The following DLGAP2 variants were observed in gnomAD, a reference collection of about 807,000 sequenced individuals.
DLGAP2 encodes the protein disks large-associated protein 2.
DLGAP2 carries 26 observed loss-of-function variants against 100.3 expected under a neutral mutation model. That is an observed-to-expected ratio of 0.26 (90% CI 0.19 to 0.36). The LOEUF (loss-of-function observed/expected upper bound fraction) is 0.36, where lower values mean the gene tolerates loss of function less well. Ranked by LOEUF, DLGAP2 falls within the 10% of genes least tolerant of loss-of-function variation. The probability of loss-of-function intolerance (pLI) is 1.00; values close to 1 mark genes in which losing one functional copy is unlikely to be tolerated. For synonymous variants in DLGAP2, 886 were observed against 630.1 expected, an observed-to-expected ratio of 1.41 and a Z score of -6.08; for missense variants, 1,858 against 1,453.2, an observed-to-expected ratio of 1.28 and a Z score of -4.53.
intron 6 of DLGAP2, among the ~76,000 whole-genome samples, chr8:1,626,090 G>T (rs550450209): frequency 7.1e-6 from 1 of 141,684 alleles, no homozygotes; most frequent in South Asian, 2.2e-4. Flanking sequence ...CGGGTGCTCA[G>T]CCTCTGGGTG....
At position 1,292,087 on chromosome 8, in the gene DLGAP2, A is replaced by C. The variant is rs535349808; in HGVS notation, c.106+33204A>C. 3.9e-5 allele frequency among the ~76,000 whole-genome samples: 6 copies of C among 152,354 alleles called. No homozygotes were observed. In the South Asian group the frequency reaches 1.2e-3, roughly 32 times the overall value. On this transcript the variant is annotated intron_variant, in intron 3 of 14. Transcript: ENST00000637795. ...AATGTTCCAACTCTGAAGACAGATG[A>C]ATTGTGGTGTGTCAGCTAAGCCTGT...
chr8:800,602 ATG>A (rs546628399), intron 1 of DLGAP2, among the ~76,000 whole-genome samples: 3 of 152,194 alleles, frequency 2.0e-5, no homozygotes, highest in Admixed American at 6.5e-5. Context: ...GTGCACCTGC[ATG>A]TGTGTGTGTA....
chr8:1,036,782 G>A (rs112122542), intron 2 of DLGAP2, among the ~76,000 whole-genome samples: 1,966 of 152,276 alleles, frequency 0.013, 42 homozygotes, highest in African/African-American at 0.041. Context: ...GGGAATTGCC[G>A]TCACTAAGAA....
intron 2 of DLGAP2, among the ~76,000 whole-genome samples, chr8:931,677 C>G (rs1008704710): frequency 6.6e-6 from 1 of 152,172 alleles, no homozygotes; most frequent in African/African-American, 2.4e-5. Context: ...AAGCCCTTCC[C>G]GTCGTCCTGG....
chr8:884,300 CTCT>C (rs1797878703), intron 1 of DLGAP2, among the ~76,000 whole-genome samples: 1 of 152,148 alleles, frequency 6.6e-6, no homozygotes, highest in African/African-American at 2.4e-5. Context: ...TCAGCAGTAT[CTCT>C]TGTTTCTTGA....
intron 3 of DLGAP2, among the ~76,000 whole-genome samples, chr8:1,363,893 C>A (rs190763497): frequency 6.6e-6 from 1 of 152,142 alleles, no homozygotes; most frequent in African/African-American, 2.4e-5. Flanking sequence ...ACCTGCTCCC[C>A]GTGAGGTTGT....
At position 1,347,052 on chromosome 8, in the gene DLGAP2, C is replaced by T. The variant is rs191734437; in HGVS notation, c.106+88169C>T. Among the ~76,000 whole-genome samples, 258 of 141,884 alleles carry T rather than the reference C, an allele frequency of 1.8e-3. 2 individuals are homozygous for T. Among genetic ancestry groups the T allele is most frequent in the African/African-American group, 6.3e-3 (237 of 37,520 alleles). The allele number at this position is 141,884 out of a possible 152,430, so 93.1% of individuals were successfully genotyped here. On this transcript the variant is annotated intron_variant, in intron 3 of 14. Transcript: ENST00000637795. ...CTGCACTGCTCTCATGGTAACTGTG[C>T]GGAGGATGAGTTCCACACAGAGCTG...
At chr8:940,698 A>T (rs921023067) in intron 2 of DLGAP2, among the ~76,000 whole-genome samples, 1 of 152,180 alleles carries the variant, frequency 6.6e-6, no homozygotes, top group Admixed American at 6.5e-5. Context: ...CTCTTCTCCC[A>T]TGTCTCCAGA....
chr8:1,130,677 TAGCAACC>T (rs1796273380), intron 2 of DLGAP2, among the ~76,000 whole-genome samples: 1 of 152,186 alleles, frequency 6.6e-6, no homozygotes, highest in Non-Finnish European at 1.5e-5. Flanking sequence ...TTCGTAACCA[TAGCAACC>T]AGCAACCAGC....
intron 2 of DLGAP2, among the ~76,000 whole-genome samples, chr8:1,016,269 T>C (rs1203935940): frequency 3.3e-3 from 2 of 612 alleles, no homozygotes; most frequent in East Asian, 4.1e-3. Flanking sequence ...GCCTCCACTG[T>C]GTGTGTGACC....
intron 2 of DLGAP2, among the ~76,000 whole-genome samples, chr8:1,198,234 T>C (rs149736527): frequency 1.5e-3 from 224 of 152,238 alleles, no homozygotes; most frequent in Non-Finnish European, 2.7e-3. Flanking sequence ...CTCACCCCCA[T>C]TAACAAGCTG....
At chr8:1,306,005 C>T (rs1358666915) in intron 3 of DLGAP2, among the ~76,000 whole-genome samples, 1 of 147,184 alleles carries the variant, frequency 6.8e-6, no homozygotes, top group Admixed American at 7.1e-5. Flanking sequence ...TTGCTGAATT[C>T]CTTTTTCAGA....
chr8:1,685,960 G>A (rs1799103501), intron 12 of DLGAP2, among the ~76,000 whole-genome samples: 1 of 152,184 alleles, frequency 6.6e-6, no homozygotes. Context: ...TAAGGGGAAA[G>A]CTTGCACACT....
intron 3 of DLGAP2, among the ~76,000 whole-genome samples, chr8:1,318,763 C>A (rs10094861): frequency 0.25 from 36,544 of 145,896 alleles, 4,995 homozygotes; most frequent in South Asian, 0.33. Context: ...GTAACTAATC[C>A]ATTGTCAGTG....
intron 2 of DLGAP2, among the ~76,000 whole-genome samples, chr8:1,121,007 A>C (rs555769256): frequency 1.4e-5 from 2 of 140,704 alleles, no homozygotes; most frequent in African/African-American, 5.4e-5. Context: ...TCCCATCCTT[A>C]TCCCTTTAGA....
At chr8:869,150 A>G (rs915807299) in intron 1 of DLGAP2, among the ~76,000 whole-genome samples, 3 of 151,880 alleles carry the variant, frequency 2.0e-5, no homozygotes, top group African/African-American at 7.3e-5. Flanking sequence ...CTTTATTTAC[A>G]TATACAGCTT....
At chr8:763,764 G>C (rs1005461691) in intron 1 of DLGAP2, among the ~76,000 whole-genome samples, 2 of 152,160 alleles carry the variant, frequency 1.3e-5, no homozygotes, top group African/African-American at 4.8e-5. Context: ...CACATGAGGT[G>C]TGGAAAACCC....
intron 6 of DLGAP2, among the ~76,000 whole-genome samples, chr8:1,594,329 G>A (rs1796382658): frequency 6.6e-6 from 1 of 152,106 alleles, no homozygotes. Context: ...ATATGAAGAT[G>A]CCCCCTAAGG....
chr8:976,899 A>T lies in DLGAP2; in HGVS notation c.73+68933A>T, dbSNP rs183820550. On this transcript the variant is annotated intron_variant, in intron 2 of 14. Coordinates refer to ENST00000637795, the MANE Select transcript of DLGAP2 (RefSeq NM_001346810.2). ...TTAGTGATGACATTTTAGATATAGTACCAAAAGCACTGTTCATGAAAGAAA... is the reference window on the plus strand; with the variant it reads ...TTAGTGATGACATTTTAGATATAGTTCCAAAAGCACTGTTCATGAAAGAAA... Among the ~76,000 whole-genome samples the T allele has an allele frequency of 2.6e-5, 4 of 152,376 alleles. No homozygotes were observed. In the East Asian group the frequency reaches 7.7e-4, roughly 29 times the overall value.
Sources: allele counts gnomAD v4.1 joint callset (sites outside exome capture counted in the v4.1 genomes callset), GRCh38; gene constraint gnomAD v4.1.1; transcripts MANE v1.5; gene names NCBI Gene and HGNC (gene_info 2026-07-23, HGNC 2026-07-21).